KLHL20: variants seen among roughly 807,000 people sequenced by gnomAD.
The protein encoded by KLHL20 is kelch like family member 20.
KLHL20 carries 29 observed loss-of-function variants against 69.5 expected under a neutral mutation model. The ratio of observed to expected loss-of-function variants is 0.42; its 90% CI spans 0.31 to 0.57. The LOEUF is 0.57. Among genes scored for constraint, KLHL20 ranks in the 20% least tolerant of loss-of-function variants. The probability of loss-of-function intolerance (pLI) is 0.18; values close to 1 mark genes in which losing one functional copy is unlikely to be tolerated. For synonymous variants in KLHL20, 253 were observed against 265.2 expected (o/e 0.95, Z 0.45); for missense variants, 419 against 776.0 (o/e 0.54, Z 5.47).
At chr1:173,741,630 T>C (rs949700723) in intron 3 of KLHL20, 4 of 472,982 alleles carry the variant, frequency 8.5e-6, no homozygotes, top group African/African-American at 6.0e-5. Flanking sequence ...GGGAAAAATA[T>C]CTGTAAATCG....
At chr1:173,726,453 C>T (rs1414515746) in intron 2 of KLHL20, among the ~76,000 whole-genome samples, 2 of 152,206 alleles carry the variant, frequency 1.3e-5, no homozygotes, top group African/African-American at 4.8e-5. Context: ...ACTGCCTCCT[C>T]AAGTGGGTCC....
intron 2 of KLHL20, among the ~76,000 whole-genome samples, chr1:173,718,689 C>T (rs970110611): frequency 6.6e-6 from 1 of 152,112 alleles, no homozygotes; most frequent in Non-Finnish European, 1.5e-5. Flanking sequence ...CCACTGCACT[C>T]CTGCCCGTGT....
At chr1:173,763,402 G>A (rs61826857) in intron 7 of KLHL20, among the ~76,000 whole-genome samples, 33,552 of 151,820 alleles carry the variant, frequency 0.22, 4,276 homozygotes, top group Middle Eastern at 0.38. Context: ...AGTTCATATG[G>A]AACCAAAAAA....
chr1:173,760,942 C>G (rs947348974), intron 7 of KLHL20, among the ~76,000 whole-genome samples: 2 of 152,176 alleles, frequency 1.3e-5, no homozygotes, highest in Admixed American at 1.3e-4. Flanking sequence ...TTAAAAGGTA[C>G]AGAACCGCAG....
chr1:173,755,860 C>A (rs913848789), intron 5 of KLHL20, 63 bp from the exon 6 acceptor site: 59 of 1,087,034 alleles, frequency 5.4e-5, no homozygotes, highest in Non-Finnish European at 5.6e-6. Context: ...TCCTAAACTA[C>A]ATTGGGACTT....
chr1:173,728,334 C>T (rs570998304), intron 2 of KLHL20, among the ~76,000 whole-genome samples: 39 of 152,138 alleles, frequency 2.6e-4, no homozygotes, highest in Admixed American at 1.1e-3. Flanking sequence ...GACAGATCAA[C>T]GAGACAGAAA....
chr1:173,776,155 T>G (rs1020634269), intron 10 of KLHL20, among the ~76,000 whole-genome samples: 1 of 152,242 alleles, frequency 6.6e-6, no homozygotes, highest in African/African-American at 2.4e-5. Flanking sequence ...CATCTCATTG[T>G]AATTTTCATT....
intron 3 of KLHL20, among the ~76,000 whole-genome samples, chr1:173,742,416 G>A (rs1452133727): frequency 6.6e-6 from 1 of 151,922 alleles, no homozygotes; most frequent in African/African-American, 2.4e-5. Context: ...CATAAACAAG[G>A]TCAACAAATC....
At chr1:173,767,408 G>A (rs1364671022) in intron 8 of KLHL20, among the ~76,000 whole-genome samples, 1 of 152,114 alleles carries the variant, frequency 6.6e-6, no homozygotes, top group Non-Finnish European at 1.5e-5. Flanking sequence ...ATACTTAGTA[G>A]TGGGATTACT....
intron 6 of KLHL20, among the ~76,000 whole-genome samples, chr1:173,756,737 T>A (rs979739688): frequency 6.6e-6 from 1 of 152,234 alleles, no homozygotes; most frequent in African/African-American, 2.4e-5. Context: ...CTCATAATCC[T>A]ATGTGAATTG....
At chr1:173,734,519 T>TA (rs201082974) in intron 3 of KLHL20, 36 of 487,330 alleles carry the variant, frequency 7.4e-5, no homozygotes, top group East Asian at 1.1e-4. Context: ...TAAAAGTATT[T>TA]AAAAAAAAAT....
At chr1:173,768,474 G>T (rs1446122562) in intron 8 of KLHL20, among the ~76,000 whole-genome samples, 1 of 152,150 alleles carries the variant, frequency 6.6e-6, no homozygotes, top group African/African-American at 2.4e-5. Flanking sequence ...AGATAAAATA[G>T]AAGGTAACTC....
chr1:173,753,361 C>G, intron 5 of KLHL20, 54 bp downstream of exon 5: 1 of 1,328,664 alleles, frequency 7.5e-7, no homozygotes, highest in Non-Finnish European at 1.1e-6. Context: ...CTATTTTTTC[C>G]TAATTTCCTT....
At chr1:173,720,793 G>A (rs945777349) in intron 2 of KLHL20, among the ~76,000 whole-genome samples, 3 of 152,140 alleles carry the variant, frequency 2.0e-5, no homozygotes, top group Non-Finnish European at 2.9e-5. Context: ...ACCAGATGCC[G>A]CCATGATAAG....
chr1:173,729,960 C>T (rs139385310), intron 2 of KLHL20, among the ~76,000 whole-genome samples: 2,163 of 152,206 alleles, frequency 0.014, 52 homozygotes, highest in African/African-American at 0.047. Flanking sequence ...GATTGTATGT[C>T]TAGAAAACCC....
At position 173,782,197 on chromosome 1, in the gene KLHL20, T is replaced by A; in HGVS notation, c.1712T>A (p.Ile571Lys). The A allele has an allele frequency of 6.2e-7, 1 of 1,613,968 alleles. No individual in the cohort carries two copies. Among genetic ancestry groups the A allele is most frequent in the Non-Finnish European group, 8.5e-7 (1 of 1,179,894 alleles). ...GATGGCACAACATACTTGAAGACCATAGAAGTTTTTGATCCTGATGCCAAT... is the reference window on the plus strand; with the variant it reads ...GATGGCACAACATACTTGAAGACCAAAGAAGTTTTTGATCCTGATGCCAAT... Reference protein sequence around the residue: ...GFDGTTYLKTIEVFDPDANTW... With the variant: ...GFDGTTYLKTKEVFDPDANTW... The change falls in exon 11 of 12, where the codon ATA (isoleucine) becomes AAA (lysine). Residue 571 changes from isoleucine to lysine, a missense_variant. Around this residue, in one of 6 missense-constraint regions of KLHL20, gnomAD observed 79 missense variants for 154.4 expected, o/e 0.51. Coordinates refer to ENST00000209884, the MANE Select transcript of KLHL20 (RefSeq NM_014458.4).
At position 173,775,825 on chromosome 1, in the gene KLHL20, A is replaced by G. The variant is rs1271997046; in HGVS notation, c.1621A>G (p.Thr541Ala). The G allele has an allele frequency of 1.2e-6, 2 of 1,614,036 alleles. No homozygotes were observed. Among genetic ancestry groups the G allele is most frequent in the East Asian group, 4.5e-5 (2 of 44,898 alleles). Residue 541 changes from threonine (T) to alanine (A), a missense_variant, in exon 10 of 12, where the codon ACA becomes GCA. Transcript: ENST00000209884. ...TNQWSPVVAM[T>A]SRRSGVGLAV... The stretch of plus-strand genomic sequence containing the variant: ...CCAGTGGTCTCCAGTGGTGGCCATG[A>G]CATCACGCCGTAGTGGAGTAAGTGG...
At chr1:173,751,119 T>C (rs1673293180) in intron 3 of KLHL20, among the ~76,000 whole-genome samples, 1 of 152,186 alleles carries the variant, frequency 6.6e-6, no homozygotes. Flanking sequence ...CTCTACATTC[T>C]GATGAATGGA....
chr1:173,734,577 G>GATCT (rs1571868820), intron 3 of KLHL20: 1 of 346,096 alleles, frequency 2.9e-6, no homozygotes, highest in East Asian at 6.7e-5. Flanking sequence ...TTCACAAGAG[G>GATCT]ATCTATGCCT....
Sources: gnomAD v4.1 joint callset for allele counts (sites outside exome capture counted in the v4.1 genomes callset) on GRCh38, gnomAD v4.1.1 for gene constraint, gnomAD v4.1.1 regional missense constraint, MANE v1.5 for transcripts, NCBI Gene and HGNC (gene_info 2026-07-23, HGNC 2026-07-21) for gene names.